The following NSD2 variants were observed in gnomAD, a reference collection of about 807,000 sequenced individuals.
The protein encoded by NSD2 is histone-lysine N-methyltransferase NSD2.
NSD2 carries 12 observed loss-of-function variants against 139.0 expected under a neutral mutation model. The ratio of observed to expected loss-of-function variants is 0.09; its 90% CI spans 0.06 to 0.14. The LOEUF (loss-of-function observed/expected upper bound fraction) is 0.14, where lower values mean the gene tolerates loss of function less well. Ranked by LOEUF, NSD2 falls within the 10% of genes least tolerant of loss-of-function variation. The pLI is 1.00. For missense variants in NSD2, 1,155 were observed against 1,745.0 expected (o/e 0.66, Z 6.02); for synonymous variants, 669 against 648.7 (o/e 1.03, Z -0.48).
intron 3 of NSD2, among the ~76,000 whole-genome samples, chr4:1,908,411 A>G (rs1718225012): frequency 6.6e-6 from 1 of 152,234 alleles, no homozygotes; most frequent in African/African-American, 2.4e-5. Context: ...AGGAGGCACA[A>G]GCAAACCTAC....
At chr4:1,954,944 C>T (rs1348316141) in intron 12 of NSD2, among the ~76,000 whole-genome samples, 1 of 152,198 alleles carries the variant, frequency 6.6e-6, no homozygotes, top group Admixed American at 6.5e-5. Context: ...CCTGCAGTGC[C>T]CAGGCTGAGA....
intron 9 of NSD2, chr4:1,945,005 A>G: frequency 9.4e-7 from 1 of 1,065,194 alleles, no homozygotes; most frequent in Non-Finnish European, 1.1e-6. Flanking sequence ...ATGTCGTGAA[A>G]GGCAGAGGGT....
At position 1,976,567 on chromosome 4, in the gene NSD2, A is replaced by G. The variant is rs1727100275; in HGVS notation, c.3714A>G (p.Ser1238=). The G allele has an allele frequency of 2.5e-6, 4 of 1,613,546 alleles. No homozygotes were observed. Among genetic ancestry groups the G allele is most frequent in the Non-Finnish European group, 3.4e-6 (4 of 1,179,836 alleles). ...CAAAAGGGGAAGGGAAGAGGCAGTC[A>G]GAGGACGAGTGCTTCCGCTGCGGTG... ...RRAKGEGKRQ[S]EDECFRCGDG... The change falls in exon 21 of 22, where the codon TCA becomes TCG. Residue 1238 remains serine, a synonymous_variant. Transcript: ENST00000508803. This position sits in a 1 kb window ranked among gnomAD's most constrained non-coding sequence, Gnocchi z 5.3.
chr4:1,967,686 G>A (rs1278043008), intron 18 of NSD2, among the ~76,000 whole-genome samples: 1 of 152,058 alleles, frequency 6.6e-6, no homozygotes, highest in African/African-American at 2.4e-5. Context: ...CTGCTTTCTC[G>A]CTGCAGGGAA....
chr4:1,957,824 A>G (rs1329456078), intron 15 of NSD2, 109 bp from the exon 16 acceptor site: 3 of 1,067,380 alleles, frequency 2.8e-6, no homozygotes, highest in East Asian at 5.0e-5. Context: ...TGGGAACCAG[A>G]AACTATACTT....
At chr4:1,880,351 T>A (rs1002304699) in intron 1 of NSD2, among the ~76,000 whole-genome samples, 13 of 151,118 alleles carry the variant, frequency 8.6e-5, no homozygotes, top group African/African-American at 3.2e-4. Context: ...CCTGGGAACT[T>A]ACTTTGTTTT....
intron 1 of NSD2, among the ~76,000 whole-genome samples, chr4:1,876,475 G>C (rs1426113958): frequency 2.0e-5 from 3 of 152,152 alleles, no homozygotes; most frequent in Non-Finnish European, 4.4e-5. Flanking sequence ...AGGATCACTT[G>C]AGACTAGGAG....
intron 1 of NSD2, among the ~76,000 whole-genome samples, chr4:1,897,785 C>A (rs748326816): frequency 6.6e-6 from 1 of 151,752 alleles, no homozygotes; most frequent in Non-Finnish European, 1.5e-5. Context: ...TGCCACCAAG[C>A]CTGGCTAATT....
At chr4:1,940,957 G>A in intron 9 of NSD2, 1 of 1,057,678 alleles carries the variant, frequency 9.5e-7, no homozygotes, top group Non-Finnish European at 1.1e-6. Context: ...ACTCAGTGGT[G>A]GTCGAGACCT....
intron 9 of NSD2, 75 bp from the exon 10 acceptor site, chr4:1,950,997 G>A (rs550734352): frequency 1.1e-5 from 18 of 1,575,074 alleles, no homozygotes; most frequent in Non-Finnish European, 1.5e-5. Context: ...GGGGCGGGAC[G>A]AGCCTGCCTG....
chr4:1,971,819 T>C (rs1726513731), intron 18 of NSD2, among the ~76,000 whole-genome samples: 1 of 152,184 alleles, frequency 6.6e-6, no homozygotes, highest in Non-Finnish European at 1.5e-5. Flanking sequence ...TCCAGAGTCA[T>C]TTTCATGAAC....
In NSD2 at chr4:1,951,111, T is replaced by C. The variant is rs770425230; in HGVS notation, c.1921T>C (p.Tyr641His). ...GGGAGACGAGCCCTCGGAGTCCCCATACGAAAGTGCAGACGAAACACAAAC... is the reference window on the plus strand; with the variant it reads ...GGGAGACGAGCCCTCGGAGTCCCCACACGAAAGTGCAGACGAAACACAAAC... Reference protein sequence around the residue: ...SPGDEPSESPYESADETQTEV... With the variant: ...SPGDEPSESPHESADETQTEV... The change falls in exon 10 of 22, where the codon TAC becomes CAC. Residue 641 changes from tyrosine to histidine, a missense_variant. Physicochemically the swap from Tyr to His is moderately conservative, Grantham distance 83. This residue lies in a region of NSD2 where 420 missense variants were observed against 469.0 expected (regional missense o/e 0.90). Transcript: ENST00000508803. 1.2e-6 allele frequency: 2 copies of C among 1,614,076 alleles called. No homozygotes were observed. Among genetic ancestry groups the C allele is most frequent in the Non-Finnish European group, 1.7e-6 (2 of 1,180,034 alleles).
chr4:1,928,425 C>T (rs1721215474), intron 5 of NSD2, among the ~76,000 whole-genome samples: 2 of 152,178 alleles, frequency 1.3e-5, no homozygotes, highest in Non-Finnish European at 2.9e-5. Flanking sequence ...GAATTGGGAC[C>T]TGACCCTAAT....
intron 12 of NSD2, 134 bp downstream of exon 12, chr4:1,953,658 C>T (rs898056797): frequency 1.7e-5 from 20 of 1,174,874 alleles, no homozygotes; most frequent in Middle Eastern, 3.0e-4. Context: ...AACTGGACAT[C>T]GGCTGGGTTG....
Position 1,972,876 on chromosome 4 carries a change from G to A in NSD2, c.3373-1987G>A, listed in dbSNP as rs1726642556. 6.6e-6 allele frequency among the ~76,000 whole-genome samples: 1 copy of A among 152,048 alleles called. No individual in the cohort carries two copies. Among genetic ancestry groups the A allele is most frequent in the Non-Finnish European group, 1.5e-5 (1 of 68,016 alleles). On this transcript the variant is annotated intron_variant, in intron 18 of 21. Transcript: ENST00000508803. This position sits in a 1 kb window ranked among gnomAD's most constrained non-coding sequence, Gnocchi z 4.0. Reference sequence around the variant, plus strand: ...CACATTTTTTTTTCTTTTTGGAGACGGAGTCTCACTCTGTCGCCTAGGCTG... The same window carrying A: ...CACATTTTTTTTTCTTTTTGGAGACAGAGTCTCACTCTGTCGCCTAGGCTG...
chr4:1,886,881 AGATT>A (rs759613916), intron 1 of NSD2, among the ~76,000 whole-genome samples: 11 of 152,124 alleles, frequency 7.2e-5, no homozygotes, highest in Non-Finnish European at 1.6e-4. Flanking sequence ...TAGAACTTCC[AGATT>A]GATATATGTT....
chr4:1,957,568 G>C (rs1023462504), intron 15 of NSD2, among the ~76,000 whole-genome samples: 1 of 151,752 alleles, frequency 6.6e-6, no homozygotes, highest in Non-Finnish European at 1.5e-5. Context: ...GATTACAGGC[G>C]TGAGCCACTG....
intron 1 of NSD2, among the ~76,000 whole-genome samples, chr4:1,891,574 C>T (rs999105113): frequency 6.6e-6 from 1 of 152,232 alleles, no homozygotes; most frequent in South Asian, 2.1e-4. Flanking sequence ...CCCAGAGAAC[C>T]GGGCACGGTG....
rs780346425 is a variant in NSD2 at position 1,951,090 on chromosome 4, G to A, written c.1900G>A (p.Asp634Asn). 1 of 1,614,188 alleles carries A rather than the reference G, an allele frequency of 6.2e-7. No homozygotes were observed. Among genetic ancestry groups the A allele is most frequent in the Non-Finnish European group, 8.5e-7 (1 of 1,180,032 alleles). The change falls in exon 10 of 22, where the codon GAC becomes AAC. Residue 634 changes from aspartate (D) to asparagine (N), a missense_variant. This residue lies in a region of NSD2 where 420 missense variants were observed against 469.0 expected (regional missense o/e 0.90). Transcript: ENST00000508803. ...TENEVSDSPG[D>N]EPSESPYESA... ...TCTCTAGGTCTCGGACAGCCCGGGAGACGAGCCCTCGGAGTCCCCATACGA... is the reference window on the plus strand; with the variant it reads ...TCTCTAGGTCTCGGACAGCCCGGGAAACGAGCCCTCGGAGTCCCCATACGA...
Sources: gnomAD v4.1 joint callset for allele counts (sites outside exome capture counted in the v4.1 genomes callset) on GRCh38, gnomAD v4.1.1 for gene constraint, gnomAD v4.1.1 regional missense constraint, Gnocchi (gnomAD v3.1) non-coding constraint, MANE v1.5 for transcripts, NCBI Gene and HGNC (gene_info 2026-07-23, HGNC 2026-07-21) for gene names.